Variants in RABGAP1 observed in about 807,000 individuals in gnomAD.
RABGAP1 encodes rab GTPase-activating protein 1.
A neutral mutation model predicts 137.6 loss-of-function variants in RABGAP1; 23 were observed. The ratio of observed to expected loss-of-function variants is 0.17; its 90% CI spans 0.12 to 0.24. The LOEUF (loss-of-function observed/expected upper bound fraction) is 0.24, where lower values mean the gene tolerates loss of function less well. Ranked by LOEUF, RABGAP1 falls within the 10% of genes least tolerant of loss-of-function variation. The probability of loss-of-function intolerance (pLI) is 1.00; values close to 1 mark genes in which losing one functional copy is unlikely to be tolerated. For missense variants in RABGAP1, 906 were observed against 1,275.8 expected (o/e 0.71, Z 4.42); for synonymous variants, 451 against 450.7 (o/e 1.00, Z -0.01).
chr9:122,934,827 T>G, the RABGAP1 span, among the ~76,000 whole-genome samples: 5 of 152,050 alleles, frequency 3.3e-5, no homozygotes, highest in Non-Finnish European at 5.9e-5. Flanking sequence ...ACCACAGGCA[T>G]GCGGTCCCAT....
At chr9:123,074,953 G>A (rs2034466938) in intron 17 of RABGAP1, among the ~76,000 whole-genome samples, 1 of 152,080 alleles carries the variant, frequency 6.6e-6, no homozygotes, top group Non-Finnish European at 1.5e-5. Flanking sequence ...CTAGCTGCAA[G>A]GGAGACTTTT....
At position 123,101,546 on chromosome 9, in the gene RABGAP1, C is replaced by T. The variant is rs898505405; in HGVS notation, c.2890-20C>T. ...CCAGTTCCTCTTCTTTGCCTCTTCACATCTAACATTCAATTTCAGCAAAAA... is the reference window on the plus strand; with the variant it reads ...CCAGTTCCTCTTCTTTGCCTCTTCATATCTAACATTCAATTTCAGCAAAAA... On this transcript the variant is annotated intron_variant, in intron 24 of 25. Transcript: ENST00000373647. The T allele has an allele frequency of 6.2e-7, 1 of 1,609,290 alleles. No individual in the cohort carries two copies. The highest frequency in any genetic ancestry group is 8.5e-7 in the Non-Finnish European group (1 of 1,176,920).
At chr9:122,969,300 C>G (rs1835345367) in intron 2 of RABGAP1, among the ~76,000 whole-genome samples, 1 of 152,186 alleles carries the variant, frequency 6.6e-6, no homozygotes, top group Non-Finnish European at 1.5e-5. Context: ...TGTAAGTACA[C>G]TCTATGATGT....
At chr9:122,988,233 A>C (rs1032059449) in intron 4 of RABGAP1, among the ~76,000 whole-genome samples, 9 of 152,362 alleles carry the variant, frequency 5.9e-5, no homozygotes, top group Admixed American at 5.9e-4. Flanking sequence ...TTTTCATAAA[A>C]GTGCTTTCAA....
intron 21 of RABGAP1, among the ~76,000 whole-genome samples, 199 bp from the exon 22 acceptor site, chr9:123,097,517 ATGCCAAAGGCTAAGCTCCTAACTAC>A (rs967692148): frequency 4.6e-5 from 7 of 152,206 alleles, no homozygotes; most frequent in African/African-American, 1.7e-4. Context: ...AGGCTGTCTG[ATGCCAAAGGCTAAGCTCCTAACTAC>A]TGCCCTGCAC....
the RABGAP1 span, among the ~76,000 whole-genome samples, chr9:122,934,900 C>T: frequency 6.6e-6 from 1 of 152,152 alleles, no homozygotes; most frequent in Non-Finnish European, 1.5e-5. Flanking sequence ...CCACTGTGCC[C>T]GGACTTGACT....
chr9:122,960,622 A>G (rs911154282), intron 2 of RABGAP1, among the ~76,000 whole-genome samples: 1 of 152,222 alleles, frequency 6.6e-6, no homozygotes, highest in African/African-American at 2.4e-5. Flanking sequence ...ATTATAAGAC[A>G]TTCAGAGAAA....
At chr9:123,036,489 T>C (rs2032668725) in intron 13 of RABGAP1, among the ~76,000 whole-genome samples, 1 of 152,258 alleles carries the variant, frequency 6.6e-6, no homozygotes, top group African/African-American at 2.4e-5. Context: ...TTTATAATGG[T>C]GACTATATAC....
intron 6 of RABGAP1, chr9:122,990,769 C>CAAAAAA (rs869120702): frequency 1.9e-4 from 3 of 15,910 alleles, no homozygotes; most frequent in African/African-American, 4.2e-4. Flanking sequence ...AACTCCGTCT[C>CAAAAAA]AAAAAAAAAA....
chr9:123,011,062 G>T (rs754961042), intron 11 of RABGAP1, among the ~76,000 whole-genome samples: 3 of 150,058 alleles, frequency 2.0e-5, no homozygotes, highest in Non-Finnish European at 3.0e-5. Context: ...TCTATTAAAA[G>T]ATATAATTAC....
intron 13 of RABGAP1, among the ~76,000 whole-genome samples, chr9:123,052,431 T>C (rs1227159938): frequency 2.6e-5 from 4 of 152,234 alleles, no homozygotes; most frequent in Non-Finnish European, 5.9e-5. Flanking sequence ...GATAAGTGGC[T>C]CTGAACCTTA....
chr9:123,070,446 A>G lies in RABGAP1; in HGVS notation c.1983+22A>G. On this transcript the variant is annotated intron_variant, in intron 15 of 25. Transcript: ENST00000373647. The surrounding 1 kb of genome is among the most constrained non-coding windows in gnomAD (Gnocchi z 4.4). ...CCATGTGAGTAATTAGGTCTCTGTT[A>G]TGACTTAACACATGGCCTCCCTCAG... 14 of 1,613,938 alleles carry G rather than the reference A, an allele frequency of 8.7e-6. No individual in the cohort carries two copies. The highest frequency in any genetic ancestry group is 1.1e-5 in the Non-Finnish European group (13 of 1,179,906).
intron 21 of RABGAP1, among the ~76,000 whole-genome samples, chr9:123,093,938 T>A (rs1375679402): frequency 6.6e-6 from 1 of 152,216 alleles, no homozygotes; most frequent in Non-Finnish European, 1.5e-5. Context: ...TATTAAGATC[T>A]TTTTCAGTTT....
In RABGAP1 at chr9:123,070,283, A is replaced by G. The variant is rs542103929; in HGVS notation, c.1909-67A>G. The G allele has an allele frequency of 1.2e-5, 19 of 1,607,008 alleles. No homozygotes were observed. Among genetic ancestry groups the G allele is most frequent in the South Asian group, 5.6e-5 (5 of 89,736 alleles). Reference sequence around the variant, plus strand: ...TCCAGGGTTCTGTATTCAAGGTCCTATAGTGCCACCATGGCCCACAAGTGG... The same window carrying G: ...TCCAGGGTTCTGTATTCAAGGTCCTGTAGTGCCACCATGGCCCACAAGTGG... On this transcript the variant is annotated intron_variant, in intron 14 of 25. Coordinates refer to ENST00000373647, the MANE Select transcript of RABGAP1 (RefSeq NM_012197.4). The surrounding 1 kb of genome is among the most constrained non-coding windows in gnomAD (Gnocchi z 4.4).
At chr9:123,038,458 G>T (rs2032786445) in intron 13 of RABGAP1, among the ~76,000 whole-genome samples, 1 of 152,126 alleles carries the variant, frequency 6.6e-6, no homozygotes, top group Admixed American at 6.5e-5. Flanking sequence ...AGATGGTGGA[G>T]TGGTTTCTAG....
intron 6 of RABGAP1, among the ~76,000 whole-genome samples, chr9:122,990,975 T>C (rs1836693464): frequency 6.6e-6 from 1 of 150,866 alleles, no homozygotes; most frequent in Non-Finnish European, 1.5e-5. Context: ...AGTAAAGTTA[T>C]CTGCATACAT....
chr9:122,945,068 C>G (rs6478585), intron 1 of RABGAP1, among the ~76,000 whole-genome samples: 112,511 of 149,596 alleles, frequency 0.75, 44,234 homozygotes, highest in Middle Eastern at 0.88. Flanking sequence ...TTAGATCCCA[C>G]TGAAAAAAAA....
At chr9:123,073,426 A>G in intron 15 of RABGAP1, 126 bp from the exon 16 acceptor site, 1 of 1,202,942 alleles carries the variant, frequency 8.3e-7, no homozygotes. Context: ...GAGTTTCTGC[A>G]TAGCACTAAA....
chr9:122,950,522 G>A (rs1206444083), intron 1 of RABGAP1, among the ~76,000 whole-genome samples: 3 of 151,770 alleles, frequency 2.0e-5, no homozygotes, highest in Non-Finnish European at 4.4e-5. Context: ...ACCATAGGAC[G>A]CATATAGTAG....
Sources: gnomAD v4.1 joint callset for allele counts (sites outside exome capture counted in the v4.1 genomes callset) on GRCh38, gnomAD v4.1.1 for gene constraint, Gnocchi (gnomAD v3.1) non-coding constraint, MANE v1.5 for transcripts, NCBI Gene and HGNC (gene_info 2026-07-23, HGNC 2026-07-21) for gene names.